GRM5: variants seen among roughly 807,000 people sequenced by gnomAD.
GRM5 encodes metabotropic glutamate receptor 5.
A neutral mutation model predicts 83.1 loss-of-function variants in GRM5; 19 were observed. The ratio of observed to expected loss-of-function variants is 0.23; its 90% confidence interval spans 0.16 to 0.34. The LOEUF (loss-of-function observed/expected upper bound fraction) is 0.34, where lower values mean the gene tolerates loss of function less well. Among genes scored for constraint, GRM5 ranks in the 10% least tolerant of loss-of-function variants. The probability of loss-of-function intolerance (pLI) is 1.00; values close to 1 mark genes in which losing one functional copy is unlikely to be tolerated. For missense variants in GRM5, 1,160 were observed against 1,588.3 expected (o/e 0.73, Z 4.58); for synonymous variants, 675 against 633.6 (o/e 1.07, Z -0.98).
chr11:88,950,117 G>T (rs1307368558), intron 2 of GRM5, among the ~76,000 whole-genome samples: 1 of 150,740 alleles, frequency 6.6e-6, no homozygotes, highest in South Asian at 2.1e-4. Flanking sequence ...CTCGTGATCC[G>T]CCTGCCTCAG....
At chr11:89,019,602 G>A (rs1476270044) in intron 2 of GRM5, among the ~76,000 whole-genome samples, 6 of 151,982 alleles carry the variant, frequency 3.9e-5, no homozygotes, top group African/African-American at 1.2e-4. Flanking sequence ...CTACCCAGGA[G>A]GTTGAGGCAC....
chr11:88,704,890 TGA>T (rs1443715867), intron 3 of GRM5, among the ~76,000 whole-genome samples: 6 of 152,082 alleles, frequency 3.9e-5, no homozygotes, highest in Non-Finnish European at 2.9e-5. Context: ...CCTTGGTCTG[TGA>T]AATGAATGCA....
At chr11:88,652,172 T>C (rs1385363028) in intron 4 of GRM5, among the ~76,000 whole-genome samples, 1 of 152,098 alleles carries the variant, frequency 6.6e-6, no homozygotes, top group Non-Finnish European at 1.5e-5. Flanking sequence ...TTAGATAATT[T>C]ATTACTATTT....
At chr11:88,865,778 A>G (rs550403896) in intron 2 of GRM5, among the ~76,000 whole-genome samples, 2 of 152,274 alleles carry the variant, frequency 1.3e-5, no homozygotes, top group Admixed American at 6.5e-5. Flanking sequence ...AAAAGAAGAC[A>G]TTTATGCAGC....
chr11:88,775,497 G>C (rs931125623), intron 3 of GRM5, among the ~76,000 whole-genome samples: 1 of 151,994 alleles, frequency 6.6e-6, no homozygotes, highest in South Asian at 2.1e-4. Context: ...GAATGTGTTT[G>C]CTCTTGCTTC....
chr11:88,751,113 G>C (rs1365354238), intron 3 of GRM5, among the ~76,000 whole-genome samples: 1 of 126,626 alleles, frequency 7.9e-6, no homozygotes, highest in Non-Finnish European at 1.7e-5. Context: ...CAAAATCAGA[G>C]TGGAAATAAA....
chr11:88,608,373 C>T (rs1416431251), intron 4 of GRM5, among the ~76,000 whole-genome samples: 1 of 152,082 alleles, frequency 6.6e-6, no homozygotes, highest in African/African-American at 2.4e-5. Flanking sequence ...CTACCTCCCC[C>T]CACCAACACT....
chr11:88,981,353 G>A (rs769281283), intron 2 of GRM5, among the ~76,000 whole-genome samples: 12 of 152,126 alleles, frequency 7.9e-5, no homozygotes, highest in Admixed American at 2.6e-4. Flanking sequence ...ATATGTACAA[G>A]TCTGTGACTT....
chr11:89,009,553 CAA>C (rs762750807), intron 2 of GRM5, among the ~76,000 whole-genome samples: 6 of 151,910 alleles, frequency 3.9e-5, no homozygotes, highest in South Asian at 2.1e-4. Context: ...GTGCAGAATA[CAA>C]AAAGTGTTTA....
At chr11:89,001,943 C>T (rs995680312) in intron 2 of GRM5, among the ~76,000 whole-genome samples, 1 of 152,094 alleles carries the variant, frequency 6.6e-6, no homozygotes, top group Non-Finnish European at 1.5e-5. Context: ...TCTTAATGCT[C>T]TAACTGAAGC....
chr11:88,984,924 A>G (rs1939653680), intron 2 of GRM5: 1 of 603,520 alleles, frequency 1.7e-6, no homozygotes, highest in South Asian at 2.1e-5. Context: ...GATATTTTTA[A>G]ATGCCATTTT....
chr11:88,781,269 ATG>A (rs138618894), intron 3 of GRM5, among the ~76,000 whole-genome samples: 88 of 152,104 alleles, frequency 5.8e-4, no homozygotes, highest in Non-Finnish European at 1.0e-3. Flanking sequence ...AGACGCATGT[ATG>A]TGATTATCAT....
intron 1 of GRM5, among the ~76,000 whole-genome samples, chr11:89,050,312 G>A (rs2135155091): frequency 6.6e-6 from 1 of 152,210 alleles, no homozygotes; most frequent in South Asian, 2.1e-4. Context: ...CACCTAACAT[G>A]CCCCATCTAT....
At chr11:89,014,819 A>G (rs1488478512) in intron 2 of GRM5, among the ~76,000 whole-genome samples, 1 of 152,178 alleles carries the variant, frequency 6.6e-6, no homozygotes, top group Admixed American at 6.6e-5. Flanking sequence ...CTGTACCCAC[A>G]AAAAGTCTTA....
chr11:88,885,322 T>C (rs571484319), intron 2 of GRM5, among the ~76,000 whole-genome samples: 11 of 151,934 alleles, frequency 7.2e-5, no homozygotes, highest in African/African-American at 2.2e-4. Flanking sequence ...TCAATAAAAG[T>C]ATTATGATTA....
At chr11:88,854,503 T>C (rs1181283493) in intron 2 of GRM5, among the ~76,000 whole-genome samples, 2 of 152,040 alleles carry the variant, frequency 1.3e-5, no homozygotes, top group Admixed American at 6.6e-5. Context: ...CTATTTGACC[T>C]GAATTTCATC....
intron 3 of GRM5, among the ~76,000 whole-genome samples, chr11:88,722,773 T>C (rs1941578234): frequency 2.0e-5 from 3 of 152,164 alleles, no homozygotes; most frequent in African/African-American, 4.8e-5. Flanking sequence ...AGATTTCCCA[T>C]ATACCGCCTC....
intron 2 of GRM5, among the ~76,000 whole-genome samples, chr11:89,000,662 C>T (rs1337341441): frequency 6.6e-6 from 1 of 151,848 alleles, no homozygotes; most frequent in African/African-American, 2.4e-5. Context: ...AAATTTGACA[C>T]CAAATACAAG....
intron 2 of GRM5, among the ~76,000 whole-genome samples, chr11:88,875,656 A>T (rs532826090): frequency 1.3e-5 from 2 of 152,222 alleles, no homozygotes; most frequent in South Asian, 4.1e-4. Context: ...TTTCTGAAGT[A>T]ATAAGAATTG....
Sources: allele counts gnomAD v4.1 joint callset (sites outside exome capture counted in the v4.1 genomes callset), GRCh38; gene constraint gnomAD v4.1.1; transcripts MANE v1.5; gene names NCBI Gene and HGNC (gene_info 2026-07-23, HGNC 2026-07-21).